Variants in GALNTL6 observed in about 807,000 individuals in gnomAD.
GALNTL6 encodes polypeptide N-acetylgalactosaminyltransferase like 6.
A neutral mutation model predicts 73.7 loss-of-function variants in GALNTL6; 46 were observed. The observed-to-expected ratio is 0.62, with a 90% confidence interval of 0.49 to 0.80. The LOEUF is 0.80. Ranked by LOEUF, GALNTL6 falls within the 30% of genes least tolerant of loss-of-function variation. GALNTL6 has a pLI of 0.00. For missense variants in GALNTL6, 604 were observed against 755.0 expected, an observed-to-expected ratio of 0.80 and a Z score of 2.34; for synonymous variants, 259 against 263.7, an observed-to-expected ratio of 0.98 and a Z score of 0.17.
intron 2 of GALNTL6, among the ~76,000 whole-genome samples, chr4:171,911,884 T>C (rs923317733): frequency 1.3e-5 from 2 of 152,228 alleles, no homozygotes; most frequent in Non-Finnish European, 1.5e-5. Context: ...CAGAAATTGA[T>C]GATTGACTTA....
chr4:172,571,861 AC>A (rs1447947134), intron 5 of GALNTL6, among the ~76,000 whole-genome samples: 1 of 152,112 alleles, frequency 6.6e-6, no homozygotes, highest in Non-Finnish European at 1.5e-5. Context: ...AGCCTCAGAC[AC>A]CGTTTTCTCA....
intron 5 of GALNTL6, among the ~76,000 whole-genome samples, chr4:172,743,478 G>T (rs151230284): frequency 1.0e-3 from 154 of 152,182 alleles, no homozygotes; most frequent in African/African-American, 3.1e-3. Flanking sequence ...AGATGATATT[G>T]TGACATACTG....
chr4:172,666,449 A>G (rs1219354172), intron 5 of GALNTL6, among the ~76,000 whole-genome samples: 1 of 152,180 alleles, frequency 6.6e-6, no homozygotes, highest in Non-Finnish European at 1.5e-5. Flanking sequence ...CTGAGAACAA[A>G]AACTATCACA....
chr4:172,088,517 T>C (rs529919585), intron 2 of GALNTL6, among the ~76,000 whole-genome samples: 13 of 152,336 alleles, frequency 8.5e-5, no homozygotes, highest in African/African-American at 3.1e-4. Context: ...TGAGGGATAG[T>C]AAATGCTTTT....
At chr4:172,386,520 G>A (rs1743478622) in intron 5 of GALNTL6, among the ~76,000 whole-genome samples, 1 of 152,140 alleles carries the variant, frequency 6.6e-6, no homozygotes, top group Non-Finnish European at 1.5e-5. Flanking sequence ...AGAGAGAGGT[G>A]AGAAGGGATT....
At chr4:172,741,676 T>A (rs1270163083) in intron 5 of GALNTL6, among the ~76,000 whole-genome samples, 1 of 151,866 alleles carries the variant, frequency 6.6e-6, no homozygotes, top group Non-Finnish European at 1.5e-5. Flanking sequence ...TATATATAGA[T>A]ATAAGAGGTA....
At chr4:171,943,636 A>T (rs1443229471) in intron 2 of GALNTL6, among the ~76,000 whole-genome samples, 2 of 152,056 alleles carry the variant, frequency 1.3e-5, no homozygotes, top group African/African-American at 4.8e-5. Flanking sequence ...AAAAATCTGT[A>T]TTTGCTTGCT....
chr4:171,923,827 T>TGTGTGTGTGTGTGTGTGTG (rs1560843047), intron 2 of GALNTL6, among the ~76,000 whole-genome samples: 10 of 149,242 alleles, frequency 6.7e-5, no homozygotes, highest in East Asian at 2.0e-4. Flanking sequence ...TGTGTGTGTG[T>TGTGTGTGTGTGTGTGTGTG]TTGAAGTTCT....
At chr4:172,172,526 G>GAC (rs539842149) in intron 2 of GALNTL6, among the ~76,000 whole-genome samples, 15 of 151,364 alleles carry the variant, frequency 9.9e-5, no homozygotes, top group Middle Eastern at 3.4e-3. Flanking sequence ...AAGAGATTAG[G>GAC]ACACACACAC....
At chr4:172,694,196 A>G (rs1733520310) in intron 5 of GALNTL6, among the ~76,000 whole-genome samples, 1 of 151,148 alleles carries the variant, frequency 6.6e-6, no homozygotes, top group East Asian at 1.9e-4. Flanking sequence ...TTACATGGGT[A>G]TACATGTGCC....
At chr4:172,415,970 A>G (rs1170600960) in intron 5 of GALNTL6, among the ~76,000 whole-genome samples, 3 of 152,050 alleles carry the variant, frequency 2.0e-5, no homozygotes, top group Non-Finnish European at 4.4e-5. Flanking sequence ...TACTGATTTC[A>G]TTTCTGTCTT....
At chr4:172,207,430 A>AGAAGAGGAAGTTGATTC (rs1461220612) in intron 2 of GALNTL6, among the ~76,000 whole-genome samples, 2 of 152,234 alleles carry the variant, frequency 1.3e-5, no homozygotes, top group Non-Finnish European at 2.9e-5. Context: ...TCCTGAGAGA[A>AGAAGAGGAAGTTGATTC]GAAGAGGAAG....
intron 11 of GALNTL6, among the ~76,000 whole-genome samples, chr4:173,016,319 G>A (rs1752780581): frequency 6.6e-6 from 1 of 152,312 alleles, no homozygotes; most frequent in African/African-American, 2.4e-5. Flanking sequence ...ACCCCAGTAT[G>A]GTAGACCCAC....
At chr4:172,728,784 T>G (rs1488015193) in intron 5 of GALNTL6, among the ~76,000 whole-genome samples, 1 of 152,208 alleles carries the variant, frequency 6.6e-6, no homozygotes, top group Non-Finnish European at 1.5e-5. Context: ...ACTTGTAGGT[T>G]TTTGAGGAGA....
intron 2 of GALNTL6, among the ~76,000 whole-genome samples, chr4:171,971,539 A>T (rs1043395745): frequency 2.0e-5 from 3 of 152,226 alleles, no homozygotes; most frequent in African/African-American, 7.2e-5. Context: ...GGTTCCAAAA[A>T]AGGCTTACCT....
chr4:172,905,537 A>G (rs73870311), intron 8 of GALNTL6, among the ~76,000 whole-genome samples: 116 of 152,294 alleles, frequency 7.6e-4, no homozygotes, highest in African/African-American at 2.6e-3. Context: ...AACAGCTATC[A>G]CTACAGAATT....
chr4:172,625,192 G>A (rs527543684), intron 5 of GALNTL6, among the ~76,000 whole-genome samples: 2 of 151,780 alleles, frequency 1.3e-5, no homozygotes, highest in Admixed American at 6.6e-5. Context: ...TTCTTATATT[G>A]TTTGACTCTT....
chr4:172,674,956 T>A (rs527552903), intron 5 of GALNTL6, among the ~76,000 whole-genome samples: 19 of 152,324 alleles, frequency 1.2e-4, no homozygotes, highest in Admixed American at 6.5e-4. Flanking sequence ...CTATCTATAT[T>A]CTGAATTCTA....
chr4:172,048,296 T>C (rs979223646), intron 2 of GALNTL6, among the ~76,000 whole-genome samples: 1 of 152,054 alleles, frequency 6.6e-6, no homozygotes, highest in Non-Finnish European at 1.5e-5. Flanking sequence ...CCAAACTCCA[T>C]GAACTTAAAA....
Sources: allele counts gnomAD v4.1 joint callset (sites outside exome capture counted in the v4.1 genomes callset), GRCh38; gene constraint gnomAD v4.1.1; transcripts MANE v1.5; gene names NCBI Gene and HGNC (gene_info 2026-07-23, HGNC 2026-07-21).